HCN1: variants seen among roughly 807,000 people sequenced by gnomAD.
The protein encoded by HCN1 is potassium/sodium hyperpolarization-activated cyclic nucleotide-gated channel 1.
Under a neutral mutation model 78.9 loss-of-function variants are expected in HCN1, and 13 were observed. That is an observed-to-expected ratio of 0.16 (90% CI 0.11 to 0.26). The LOEUF is 0.26. Ranked by LOEUF, HCN1 falls within the 10% of genes least tolerant of loss-of-function variation. The pLI, the probability that HCN1 is intolerant of heterozygous loss-of-function variation, is 1.00. For synonymous variants in HCN1, 552 were observed against 455.5 expected (o/e 1.21, Z -2.70); for missense variants, 810 against 1,154.3 (o/e 0.70, Z 4.32).
chr5:45,364,003 A>T (rs1561124701), intron 4 of HCN1, among the ~76,000 whole-genome samples: 1 of 152,064 alleles, frequency 6.6e-6, no homozygotes, highest in African/African-American at 2.4e-5. Context: ...ACCCACCCCA[A>T]ATTCTTTTAT....
chr5:45,691,087 A>T (rs1275438587), intron 1 of HCN1, among the ~76,000 whole-genome samples: 1 of 152,038 alleles, frequency 6.6e-6, no homozygotes, highest in African/African-American at 2.4e-5. Flanking sequence ...TGTGGTGGTG[A>T]TGTTGTTTTG....
intron 6 of HCN1, among the ~76,000 whole-genome samples, chr5:45,296,729 C>G (rs574740269): frequency 6.6e-6 from 1 of 151,780 alleles, no homozygotes; most frequent in African/African-American, 2.4e-5. Context: ...GAAAAAAGAA[C>G]GTAAACATTA....
chr5:45,329,873 C>T (rs1015004679), intron 5 of HCN1, among the ~76,000 whole-genome samples: 1 of 151,166 alleles, frequency 6.6e-6, no homozygotes, highest in Non-Finnish European at 1.5e-5. Context: ...TTTATTTAAC[C>T]TTACAACCAT....
At chr5:45,324,961 A>G (rs1022137886) in intron 5 of HCN1, among the ~76,000 whole-genome samples, 1 of 151,800 alleles carries the variant, frequency 6.6e-6, no homozygotes, top group African/African-American at 2.4e-5. Context: ...TGCCCAAGGA[A>G]ATGACAGCTC....
chr5:45,350,304 G>T (rs936386669), intron 5 of HCN1, among the ~76,000 whole-genome samples: 2 of 152,046 alleles, frequency 1.3e-5, no homozygotes, highest in Non-Finnish European at 2.9e-5. Context: ...TGCAGAAAAG[G>T]CCTTTGACAA....
At chr5:45,605,154 A>G (rs1421698677) in intron 2 of HCN1, among the ~76,000 whole-genome samples, 1 of 152,012 alleles carries the variant, frequency 6.6e-6, no homozygotes, top group Non-Finnish European at 1.5e-5. Flanking sequence ...GATTACTAGT[A>G]TATTTTTGAG....
intron 4 of HCN1, among the ~76,000 whole-genome samples, chr5:45,374,584 G>T (rs1024613406): frequency 6.7e-5 from 10 of 150,052 alleles, no homozygotes; most frequent in Admixed American, 4.8e-4. Context: ...AGAAGTGCTG[G>T]TAGCATTTCT....
At chr5:45,401,741 T>C (rs1449298215) in intron 3 of HCN1, among the ~76,000 whole-genome samples, 1 of 151,934 alleles carries the variant, frequency 6.6e-6, no homozygotes, top group African/African-American at 2.4e-5. Flanking sequence ...TATATAACTT[T>C]TAGTAAATCA....
At chr5:45,599,791 T>A (rs1397914892) in intron 2 of HCN1, among the ~76,000 whole-genome samples, 2 of 152,132 alleles carry the variant, frequency 1.3e-5, no homozygotes, top group African/African-American at 4.8e-5. Context: ...CTCTGCAGGA[T>A]GACCACACAT....
In HCN1 at chr5:45,686,933, TA is replaced by T. The variant is rs766294001; in HGVS notation, c.425+8735del. 3.3e-5 allele frequency among the ~76,000 whole-genome samples: 5 copies of T among 152,320 alleles called. No individual in the cohort carries two copies. In the South Asian group the frequency reaches 8.3e-4, roughly 25 times the overall value. The stretch of plus-strand genomic sequence containing the variant: ...TTCTATGTCTTCATGTTGTTTGGTG[TA>T]ATTTCTTGTTTTGCAGGAACATGTC... On this transcript the variant is annotated intron_variant, in intron 1 of 7. Transcript: ENST00000303230.
chr5:45,450,245 A>G lies in HCN1; in HGVS notation c.1011+11601T>C, dbSNP rs1365182535. On this transcript the variant is annotated intron_variant, in intron 3 of 7. Transcript: ENST00000303230. Reference sequence around the variant, plus strand: ...GCTAACTTATCAACTGATTAAAGATAAACTCCCATTTTTAAATAAAAACAA... The same window carrying G: ...GCTAACTTATCAACTGATTAAAGATGAACTCCCATTTTTAAATAAAAACAA... 1.1e-4 allele frequency among the ~76,000 whole-genome samples: 16 copies of G among 152,352 alleles called. No individual in the cohort carries two copies. In the East Asian group the frequency reaches 3.1e-3, roughly 29 times the overall value.
intron 4 of HCN1, among the ~76,000 whole-genome samples, chr5:45,366,431 T>A (rs1008668545): frequency 1.3e-5 from 2 of 151,756 alleles, no homozygotes; most frequent in Non-Finnish European, 2.9e-5. Flanking sequence ...CCTGTATATA[T>A]ATGAAAATGC....
intron 2 of HCN1, among the ~76,000 whole-genome samples, chr5:45,619,290 C>A (rs990724748): frequency 6.6e-6 from 1 of 152,056 alleles, no homozygotes; most frequent in Admixed American, 6.6e-5. Context: ...ATCTGGCACC[C>A]ACATCACAAT....
intron 2 of HCN1, among the ~76,000 whole-genome samples, chr5:45,539,597 G>C (rs764066678): frequency 5.6e-4 from 84 of 150,716 alleles, no homozygotes; most frequent in Non-Finnish European, 1.1e-3. Flanking sequence ...CCCGGGAGAC[G>C]GAGCTTGCAG....
At chr5:45,585,341 T>C (rs1421341591) in intron 2 of HCN1, among the ~76,000 whole-genome samples, 1 of 152,216 alleles carries the variant, frequency 6.6e-6, no homozygotes, top group Non-Finnish European at 1.5e-5. Context: ...GCTTGTGCAT[T>C]GGTCATGTAG....
chr5:45,690,150 T>C (rs1372421128), intron 1 of HCN1, among the ~76,000 whole-genome samples: 4 of 152,094 alleles, frequency 2.6e-5, no homozygotes, highest in African/African-American at 9.7e-5. Context: ...TTTATAAATA[T>C]TTACTAACTT....
At chr5:45,328,800 C>T (rs900212970) in intron 5 of HCN1, among the ~76,000 whole-genome samples, 2 of 151,596 alleles carry the variant, frequency 1.3e-5, no homozygotes, top group Non-Finnish European at 3.0e-5. Flanking sequence ...ACTACTCTAC[C>T]ACTGCTCTGA....
rs74418310 is a variant in HCN1 at position 45,327,963 on chromosome 5, C to T, written c.1378-24124G>A. On this transcript the variant is annotated intron_variant, in intron 5 of 7. Transcript: ENST00000303230. ...CCCAGTTTGTGGTATTTTGTCATGG[C>T]GTCCCTAAAAAACTAATACAGCAAG... Among the ~76,000 whole-genome samples the T allele has an allele frequency of 2.3e-3, 345 of 151,650 alleles. 2 individuals are homozygous for T. The highest frequency in any genetic ancestry group is 7.9e-3 in the African/African-American group (327 of 41,428).
At position 45,334,962 on chromosome 5, in the gene HCN1, T is replaced by C. The variant is rs1412506140; in HGVS notation, c.1377+18138A>G. Among the ~76,000 whole-genome samples, 2 of 152,048 alleles carry C rather than the reference T, an allele frequency of 1.3e-5. 1 individual carries two copies. The highest frequency in any genetic ancestry group is 4.1e-4 in the South Asian group (2 of 4,826). On this transcript the variant is annotated intron_variant, in intron 5 of 7. Coordinates refer to ENST00000303230, the MANE Select transcript of HCN1 (RefSeq NM_021072.4). Reference sequence around the variant, plus strand: ...CAGAATTACACTAAATAAATATACATACAAATTATGTTTTCTTGCATAACT... The same window carrying C: ...CAGAATTACACTAAATAAATATACACACAAATTATGTTTTCTTGCATAACT...
Sources: gnomAD v4.1 joint callset for allele counts (sites outside exome capture counted in the v4.1 genomes callset) on GRCh38, gnomAD v4.1.1 for gene constraint, MANE v1.5 for transcripts, NCBI Gene and HGNC (gene_info 2026-07-23, HGNC 2026-07-21) for gene names.